STXBP5L: variants seen among roughly 807,000 people sequenced by gnomAD.
STXBP5L encodes syntaxin binding protein 5L.
In STXBP5L, 65 loss-of-function variants were observed where a neutral mutation model predicts 144.5. The observed-to-expected ratio is 0.45, with a 90% CI of 0.37 to 0.55. The LOEUF (loss-of-function observed/expected upper bound fraction) is 0.55, where lower values mean the gene tolerates loss of function less well. Among genes scored for constraint, STXBP5L ranks in the 20% least tolerant of loss-of-function variants. The probability of loss-of-function intolerance (pLI) is 0.00; values close to 1 mark genes in which losing one functional copy is unlikely to be tolerated. For synonymous variants in STXBP5L, 505 were observed against 469.6 expected, an observed-to-expected ratio of 1.08 and a Z score of -0.97; for missense variants, 1,298 against 1,405.5, an observed-to-expected ratio of 0.92 and a Z score of 1.22.
At chr3:120,975,695 C>G (rs1203717828) in intron 3 of STXBP5L, among the ~76,000 whole-genome samples, 1 of 152,066 alleles carries the variant, frequency 6.6e-6, no homozygotes, top group Non-Finnish European at 1.5e-5. Flanking sequence ...ATAGATAGCT[C>G]TTATTATTTT....
intron 20 of STXBP5L, among the ~76,000 whole-genome samples, chr3:121,364,957 C>T (rs774247856): frequency 2.6e-5 from 4 of 151,732 alleles, no homozygotes; most frequent in Non-Finnish European, 5.9e-5. Flanking sequence ...GCTTTTTCTG[C>T]TCAATTGAGA....
intron 8 of STXBP5L, among the ~76,000 whole-genome samples, chr3:121,156,657 C>T (rs1048333037): frequency 9.2e-5 from 14 of 151,674 alleles, no homozygotes; most frequent in South Asian, 2.1e-4. Flanking sequence ...GTCAGCCCTC[C>T]GTATCCATAA....
chr3:120,995,373 C>T (rs1943258284), intron 3 of STXBP5L, among the ~76,000 whole-genome samples: 2 of 152,098 alleles, frequency 1.3e-5, no homozygotes, highest in Non-Finnish European at 2.9e-5. Flanking sequence ...ATCTTGAACT[C>T]CTGGGCTCAA....
chr3:120,909,194 CT>C, intron 1 of STXBP5L: 1 of 166,076 alleles, frequency 6.0e-6, no homozygotes. Flanking sequence ...GAGTCTTGGT[CT>C]GTTGAACTCT....
intron 20 of STXBP5L, among the ~76,000 whole-genome samples, chr3:121,377,489 A>G (rs1270803259): frequency 2.0e-5 from 3 of 152,220 alleles, no homozygotes; most frequent in Non-Finnish European, 4.4e-5. Context: ...CAAATTTACA[A>G]GAATAAAACA....
At chr3:121,003,319 T>C (rs1351870070) in intron 3 of STXBP5L, among the ~76,000 whole-genome samples, 2 of 152,214 alleles carry the variant, frequency 1.3e-5, no homozygotes, top group East Asian at 1.9e-4. Flanking sequence ...ATGATGAGCA[T>C]TTTTTCATGT....
At chr3:121,399,283 G>T (rs1277422702) in intron 22 of STXBP5L, among the ~76,000 whole-genome samples, 1 of 152,086 alleles carries the variant, frequency 6.6e-6, no homozygotes, top group African/African-American at 2.4e-5. Flanking sequence ...GAGTACTCGG[G>T]TGTCCTCCAG....
intron 10 of STXBP5L, among the ~76,000 whole-genome samples, chr3:121,211,401 C>T (rs1248341533): frequency 1.3e-5 from 2 of 151,966 alleles, no homozygotes; most frequent in Non-Finnish European, 2.9e-5. Context: ...CCTCTTTTCC[C>T]AATTGAAAAC....
At chr3:121,354,457 A>T in intron 20 of STXBP5L, among the ~76,000 whole-genome samples, 2 of 130,022 alleles carry the variant, frequency 1.5e-5, no homozygotes, top group African/African-American at 2.9e-5. Context: ...GTCTCTTTTG[A>T]TCTTTGTTGG....
chr3:121,304,359 G>A (rs113849024), intron 19 of STXBP5L, among the ~76,000 whole-genome samples: 2,475 of 152,124 alleles, frequency 0.016, 61 homozygotes, highest in African/African-American at 0.056. Flanking sequence ...AAAAACTAAA[G>A]CAACTCTCTT....
rs1207802775 is a variant in STXBP5L at position 121,420,212 on chromosome 3, T to C, written c.*1115T>C. 1 of 152,170 alleles carries C rather than the reference T, an allele frequency of 6.6e-6. No individual in the cohort carries two copies. Among genetic ancestry groups the C allele is most frequent in the Admixed American group, 6.5e-5 (1 of 15,274 alleles). The allele number at this position is 152,170 out of a possible 1,614,324, so 9.4% of individuals were successfully genotyped here. ...GAAAGGGATTCTGATTTATGACATT[T>C]CTGATTTACAAGGGCTTTCCTTAGA... On this transcript the variant is annotated 3_prime_UTR_variant, in exon 27 of 27. Coordinates refer to ENST00000471454, the MANE Select transcript of STXBP5L (RefSeq NM_001308330.2).
At chr3:121,410,279 C>A (rs767950154) in intron 23 of STXBP5L, among the ~76,000 whole-genome samples, 2 of 151,840 alleles carry the variant, frequency 1.3e-5, no homozygotes, top group Non-Finnish European at 2.9e-5. Context: ...CTTCCTCTGT[C>A]CTTTATAAAA....
intron 3 of STXBP5L, among the ~76,000 whole-genome samples, chr3:120,984,509 A>G (rs557081757): frequency 1.3e-5 from 2 of 150,058 alleles, no homozygotes; most frequent in Admixed American, 1.3e-4. Flanking sequence ...ATTAGTTCTA[A>G]CGGGATTTTT....
chr3:121,392,867 A>G (rs935918818), intron 22 of STXBP5L, among the ~76,000 whole-genome samples: 8 of 147,514 alleles, frequency 5.4e-5, no homozygotes, highest in African/African-American at 1.8e-4. Context: ...TGACTTTGCT[A>G]TTGTAAGTAG....
chr3:121,238,691 C>A (rs934112630), intron 12 of STXBP5L, among the ~76,000 whole-genome samples: 1 of 151,972 alleles, frequency 6.6e-6, no homozygotes, highest in Non-Finnish European at 1.5e-5. Flanking sequence ...TAATAGAATT[C>A]ATTGTATCTA....
rs112812020 is a variant in STXBP5L at position 120,974,195 on chromosome 3, T to G, written c.287+19158T>G. Among the ~76,000 whole-genome samples the G allele has an allele frequency of 2.5e-3, 378 of 152,102 alleles. 2 individuals carry two copies. Among genetic ancestry groups the G allele is most frequent in the African/African-American group, 8.5e-3 (355 of 41,546 alleles). On this transcript the variant is annotated intron_variant, in intron 3 of 26. Transcript: ENST00000471454. ...TGTTCCTATTTCTCCACATCCTCTCTAGCACCTGTTGTTTCCTGACTTTTT... is the reference window on the plus strand; with the variant it reads ...TGTTCCTATTTCTCCACATCCTCTCGAGCACCTGTTGTTTCCTGACTTTTT...
intron 5 of STXBP5L, among the ~76,000 whole-genome samples, chr3:121,062,731 G>T (rs910273867): frequency 6.6e-5 from 10 of 151,738 alleles, no homozygotes; most frequent in Non-Finnish European, 1.0e-4. Flanking sequence ...TTCTAATCTT[G>T]TCTTCGTGCT....
chr3:120,919,426 C>T (rs1709257517), intron 2 of STXBP5L, among the ~76,000 whole-genome samples: 1 of 151,966 alleles, frequency 6.6e-6, no homozygotes, highest in African/African-American at 2.4e-5. Flanking sequence ...GATTAAAATA[C>T]TGATGAGGAA....
At chr3:121,377,056 T>C (rs918108320) in intron 20 of STXBP5L, among the ~76,000 whole-genome samples, 1 of 152,228 alleles carries the variant, frequency 6.6e-6, no homozygotes, top group African/African-American at 2.4e-5. Flanking sequence ...TAGGATTGCT[T>C]GTGATTTTTG....
Sources: gnomAD v4.1 joint callset for allele counts (sites outside exome capture counted in the v4.1 genomes callset) on GRCh38, gnomAD v4.1.1 for gene constraint, MANE v1.5 for transcripts, NCBI Gene and HGNC (gene_info 2026-07-23, HGNC 2026-07-21) for gene names.